Variants in HMGCLL1 observed in about 807,000 individuals in gnomAD.
The protein encoded by HMGCLL1 is 3-hydroxy-3-methylglutaryl-CoA lyase like 1, also known as 3-hydroxymethyl-3-methylglutaryl-CoA lyase, cytoplasmic.
In HMGCLL1, 36 loss-of-function variants were observed where a neutral mutation model predicts 39.1. The ratio of observed to expected loss-of-function variants is 0.92; its 90% CI spans 0.71 to 1.22. The LOEUF (loss-of-function observed/expected upper bound fraction) is 1.22, where lower values mean the gene tolerates loss of function less well. Ranked by LOEUF, HMGCLL1 falls within the 50% of genes most tolerant of loss-of-function variation. The pLI, the probability that HMGCLL1 is intolerant of heterozygous loss-of-function variation, is 0.00. For synonymous variants in HMGCLL1, 149 were observed against 144.0 expected (o/e 1.03, Z -0.25); for missense variants, 451 against 416.5 (o/e 1.08, Z -0.72).
the HMGCLL1 span, among the ~76,000 whole-genome samples, chr6:55,593,446 T>C: frequency 0.51 from 77,258 of 151,938 alleles, 19,987 homozygotes; most frequent in South Asian, 0.61. Flanking sequence ...CCTCTCCATC[T>C]GAACTGCGTG....
At chr6:55,441,635 G>A (rs1361481357) in intron 7 of HMGCLL1, among the ~76,000 whole-genome samples, 1 of 151,992 alleles carries the variant, frequency 6.6e-6, no homozygotes, top group African/African-American at 2.4e-5. Flanking sequence ...AGCCTCCTAT[G>A]GGCTGTGACA....
intron 4 of HMGCLL1, among the ~76,000 whole-genome samples, chr6:55,515,629 AG>A (rs1459602503): frequency 3.9e-5 from 6 of 152,162 alleles, no homozygotes; most frequent in Non-Finnish European, 8.8e-5. Context: ...TGCCCCTCTG[AG>A]TTAACATGAG....
chr6:55,649,130 G>A, the HMGCLL1 span, among the ~76,000 whole-genome samples: 22,785 of 151,988 alleles, frequency 0.15, 2,024 homozygotes, highest in Non-Finnish European at 0.2. Context: ...CACAATTACA[G>A]TGTTATGATA....
chr6:55,561,706 T>C (rs902328471), intron 1 of HMGCLL1, among the ~76,000 whole-genome samples: 37 of 152,184 alleles, frequency 2.4e-4, no homozygotes, highest in Non-Finnish European at 7.4e-5. Context: ...AACTCTTCTA[T>C]CAGTATAATG....
At chr6:55,523,577 G>A (rs1230130232) in intron 3 of HMGCLL1, among the ~76,000 whole-genome samples, 3 of 151,786 alleles carry the variant, frequency 2.0e-5, no homozygotes, top group African/African-American at 4.8e-5. Flanking sequence ...TGCCAATTGG[G>A]AGAGCTCACA....
chr6:55,445,431 T>C (rs1581787887), intron 7 of HMGCLL1, among the ~76,000 whole-genome samples: 1 of 152,198 alleles, frequency 6.6e-6, no homozygotes, highest in East Asian at 1.9e-4. Context: ...AAGAAAAACA[T>C]TATTTCTTTT....
At chr6:55,507,258 G>T (rs1767215697) in intron 5 of HMGCLL1, among the ~76,000 whole-genome samples, 1 of 151,692 alleles carries the variant, frequency 6.6e-6, no homozygotes, top group African/African-American at 2.4e-5. Context: ...TGTATGTAAA[G>T]GATAAAAAGA....
At chr6:55,525,022 TCAAA>T (rs202168766) in intron 3 of HMGCLL1, among the ~76,000 whole-genome samples, 2,874 of 151,652 alleles carry the variant, frequency 0.019, 131 homozygotes, top group Admixed American at 0.1. Context: ...CAAAAAATGA[TCAAA>T]CAGAGTAAAA....
intron 7 of HMGCLL1, among the ~76,000 whole-genome samples, chr6:55,482,834 TC>T (rs1034620912): frequency 1.6e-4 from 24 of 151,728 alleles, no homozygotes; most frequent in African/African-American, 5.3e-4. Flanking sequence ...AAGAAAAGGT[TC>T]CCCCCCAAGA....
intron 1 of HMGCLL1, among the ~76,000 whole-genome samples, chr6:55,572,730 G>A (rs966995244): frequency 1.3e-5 from 2 of 151,946 alleles, no homozygotes; most frequent in African/African-American, 4.8e-5. Context: ...TTGCACAATT[G>A]GTATTTTTAA....
At chr6:55,443,325 C>T (rs928835661) in intron 7 of HMGCLL1, among the ~76,000 whole-genome samples, 6 of 152,018 alleles carry the variant, frequency 3.9e-5, no homozygotes, top group East Asian at 1.9e-4. Context: ...AGGAATCAGC[C>T]GGATAGATGA....
chr6:55,579,000 C>A lies in HMGCLL1; in HGVS notation c.56G>T (p.Arg19Leu), dbSNP rs772134696. The A allele has an allele frequency of 1.2e-6, 2 of 1,613,736 alleles. No homozygotes were observed. Among genetic ancestry groups the A allele is most frequent in the Admixed American group, 1.7e-5 (1 of 60,012 alleles). Residue 19 changes from arginine to leucine, a missense_variant, in exon 1 of 9, where the codon CGG becomes CTG. Transcript: ENST00000274901. The stretch of plus-strand genomic sequence containing the variant: ...TGAATCCCCGATCCAGAGATGCTCC[C>A]GGAGAAGCTGCTGGTAGCTGAGGCA... ...KHCLSYQQLL[R>L]EHLWIGDSVA...
rs188156695 is a variant in HMGCLL1, at chr6:55,435,549, T to C, written c.*113A>G. 5.4e-3 allele frequency: 2,759 copies of C among 514,630 alleles called. 63 individuals carry two copies. Among genetic ancestry groups the C allele is most frequent in the African/African-American group, 0.047 (2,381 of 50,874 alleles). The allele number at this position is 514,630 out of a possible 1,614,324, so 31.9% of individuals were successfully genotyped here. A position where few individuals can be genotyped will look rare whatever the true frequency, so the allele number is the denominator to read the frequency against. ...ATCTTTTTGAAAAGGATCTCTTTTT[T>C]CCCACTCTTGTCCATTACTTCACAT... On this transcript the variant is annotated 3_prime_UTR_variant, in exon 9 of 9. Coordinates refer to ENST00000274901, the MANE Select transcript of HMGCLL1 (RefSeq NM_001042406.2).
chr6:55,655,070 T>C, the HMGCLL1 span, among the ~76,000 whole-genome samples: 1,229 of 152,088 alleles, frequency 8.1e-3, 62 homozygotes, highest in East Asian at 0.1. Context: ...TATAAATGTT[T>C]TTTCTTCAGC....
chr6:55,592,659 G>A, the HMGCLL1 span, among the ~76,000 whole-genome samples: 1 of 152,040 alleles, frequency 6.6e-6, no homozygotes, highest in African/African-American at 2.4e-5. Flanking sequence ...TATCCCCCTG[G>A]AAGGCAAAAT....
the HMGCLL1 span, among the ~76,000 whole-genome samples, chr6:55,639,707 G>T: frequency 6.6e-6 from 1 of 151,996 alleles, no homozygotes. Flanking sequence ...TTTTATTCTA[G>T]TTTTCCTTCA....
At chr6:55,490,547 A>T (rs1038040569) in intron 7 of HMGCLL1, among the ~76,000 whole-genome samples, 3 of 152,038 alleles carry the variant, frequency 2.0e-5, no homozygotes, top group African/African-American at 7.2e-5. Context: ...GGGTTTAGAC[A>T]TGTTTACTTT....
intron 7 of HMGCLL1, among the ~76,000 whole-genome samples, chr6:55,440,800 A>T (rs1192964880): frequency 6.6e-6 from 1 of 152,102 alleles, no homozygotes; most frequent in African/African-American, 2.4e-5. Flanking sequence ...TTAAATTTTG[A>T]CAAGATTCTG....
In HMGCLL1 at chr6:55,435,627, G is replaced by T; in HGVS notation, c.*35C>A. Reference sequence around the variant, plus strand: ...TCAGATGAGTATTGTAGCTGAAATTGATCTTCTCAACGGTACGTCATAAAT... The same window carrying T: ...TCAGATGAGTATTGTAGCTGAAATTTATCTTCTCAACGGTACGTCATAAAT... On this transcript the variant is annotated 3_prime_UTR_variant, in exon 9 of 9. Coordinates refer to ENST00000274901, the MANE Select transcript of HMGCLL1 (RefSeq NM_001042406.2). The T allele has an allele frequency of 5.0e-6, 6 of 1,197,452 alleles. No homozygotes were observed. Among genetic ancestry groups the T allele is most frequent in the South Asian group, 1.4e-5 (1 of 73,442 alleles). 74.2% of individuals were successfully genotyped at this position (1,197,452 alleles called of 1,614,324 possible).
Sources: gnomAD v4.1 joint callset for allele counts (sites outside exome capture counted in the v4.1 genomes callset) on GRCh38, gnomAD v4.1.1 for gene constraint, MANE v1.5 for transcripts, NCBI Gene and HGNC (gene_info 2026-07-23, HGNC 2026-07-21) for gene names.